Variants in KRABD2 observed in about 807,000 individuals in gnomAD.
KRABD2 encodes KRAB domain containing 2.
chr17:8,369,499 T>A, the KRABD2 span: 1 of 1,614,090 alleles, frequency 6.2e-7, no homozygotes, highest in Non-Finnish European at 8.5e-7. Flanking sequence ...CAGGTACTTA[T>A]CATGTTCTTT....
chr17:8,365,988 G>A, the KRABD2 span, among the ~76,000 whole-genome samples: 5 of 151,984 alleles, frequency 3.3e-5, no homozygotes, highest in Admixed American at 2.0e-4. Context: ...TTAGCCGGGC[G>A]TGGTTGGCGG....
chr17:8,369,346 A>G, the KRABD2 span: 1 of 1,614,232 alleles, frequency 6.2e-7, no homozygotes. Context: ...GGCAAGTTTG[A>G]GGAATATAGC....
the KRABD2 span, chr17:8,376,019 T>G: frequency 1.6e-6 from 2 of 1,231,594 alleles, no homozygotes; most frequent in African/African-American, 3.1e-5. Flanking sequence ...CTGATTGCCA[T>G]CTCTCCTTCA....
At chr17:8,361,505 C>T in the KRABD2 span, among the ~76,000 whole-genome samples, 1 of 152,208 alleles carries the variant, frequency 6.6e-6, no homozygotes, top group South Asian at 2.1e-4. Context: ...AATTCCAAAG[C>T]TGCAAAGGTA....
the KRABD2 span, chr17:8,365,581 G>C: frequency 6.6e-6 from 1 of 152,240 alleles, no homozygotes; most frequent in Non-Finnish European, 1.5e-5. Context: ...AATCTGAAAA[G>C]AAATGGCAAT....
chr17:8,360,977 C>G, the KRABD2 span, among the ~76,000 whole-genome samples: 1 of 152,136 alleles, frequency 6.6e-6, no homozygotes, highest in Non-Finnish European at 1.5e-5. Context: ...TTGCCTCCCC[C>G]ACTGCCCTTC....
the KRABD2 span, among the ~76,000 whole-genome samples, chr17:8,366,103 C>T: frequency 2.7e-5 from 4 of 150,512 alleles, no homozygotes; most frequent in East Asian, 3.9e-4. Context: ...CACTCCAGCC[C>T]GGGCGACAGT....
the KRABD2 span, chr17:8,373,786 C>A: frequency 6.0e-6 from 1 of 167,054 alleles, no homozygotes; most frequent in South Asian, 1.4e-4. Context: ...GCCCCGCCGC[C>A]CCGTCTGGGA....
At chr17:8,360,923 T>A in the KRABD2 span, among the ~76,000 whole-genome samples, 1 of 152,120 alleles carries the variant, frequency 6.6e-6, no homozygotes, top group African/African-American at 2.4e-5. Flanking sequence ...CCAGAAAGCA[T>A]GCAAAATAAT....
At chr17:8,372,154 A>G in the KRABD2 span, 1 of 777,994 alleles carries the variant, frequency 1.3e-6, no homozygotes, top group Non-Finnish European at 1.6e-6. The surrounding 1 kb of genome is among the most constrained non-coding windows in gnomAD (Gnocchi z 4.1). Context: ...GCCTGCTTCC[A>G]GGTCCGGAAG....
chr17:8,373,277 T>A, the KRABD2 span, among the ~76,000 whole-genome samples: 10 of 152,308 alleles, frequency 6.6e-5, no homozygotes, highest in East Asian at 1.9e-3. Context: ...CCTCCCTGCC[T>A]GATTCTCCTG....
the KRABD2 span, among the ~76,000 whole-genome samples, chr17:8,368,363 G>A: frequency 6.6e-6 from 1 of 152,072 alleles, no homozygotes; most frequent in African/African-American, 2.4e-5. Context: ...AAAAGTTCGG[G>A]TCTGTGTATT....
chr17:8,369,184 C>T, the KRABD2 span: 1 of 1,614,132 alleles, frequency 6.2e-7, no homozygotes, highest in Non-Finnish European at 8.5e-7. Flanking sequence ...GGTTCTGAAG[C>T]TTCAGGAGTG....
the KRABD2 span, among the ~76,000 whole-genome samples, chr17:8,362,954 C>A: frequency 6.6e-6 from 1 of 152,170 alleles, no homozygotes; most frequent in Non-Finnish European, 1.5e-5. The surrounding 1 kb of genome is among the most constrained non-coding windows in gnomAD (Gnocchi z 4.2). Context: ...AAATTTCTGC[C>A]GAAGTTCAAG....
At chr17:8,369,459 G>A in the KRABD2 span, 1 of 1,614,022 alleles carries the variant, frequency 6.2e-7, no homozygotes, top group Non-Finnish European at 8.5e-7. Flanking sequence ...GAGGCCTTTG[G>A]CCCAGTGACA....
the KRABD2 span, among the ~76,000 whole-genome samples, chr17:8,365,106 G>C: frequency 6.6e-6 from 1 of 152,106 alleles, no homozygotes; most frequent in Non-Finnish European, 1.5e-5. Context: ...GTGGCACACC[G>C]GTTAGTGACC....
chr17:8,371,229 G>T, the KRABD2 span: 1 of 1,248,906 alleles, frequency 8.0e-7, no homozygotes, highest in Non-Finnish European at 1.2e-6. Flanking sequence ...CGAGAAGAAA[G>T]CTGTGGGGAT....
the KRABD2 span, among the ~76,000 whole-genome samples, chr17:8,366,362 C>T: frequency 1.3e-5 from 2 of 152,174 alleles, no homozygotes; most frequent in African/African-American, 2.4e-5. Flanking sequence ...CTACTCCTCT[C>T]TAGGTAGAGC....
chr17:8,362,996 G>A, the KRABD2 span, among the ~76,000 whole-genome samples: 1 of 152,360 alleles, frequency 6.6e-6, no homozygotes, highest in South Asian at 2.1e-4. The surrounding 1 kb of genome is among the most constrained non-coding windows in gnomAD (Gnocchi z 4.2). Context: ...CTCTTGATAG[G>A]AAAGTGCAAA....
Sources: allele counts gnomAD v4.1 joint callset (sites outside exome capture counted in the v4.1 genomes callset), GRCh38; gene constraint gnomAD v4.1.1; non-coding constraint Gnocchi (gnomAD v3.1); transcripts MANE v1.5; gene names NCBI Gene and HGNC (gene_info 2026-07-23, HGNC 2026-07-21).